FNDC3B: variants seen among roughly 807,000 people sequenced by gnomAD.
FNDC3B encodes the protein fibronectin type III domain containing 3B, also known as fibronectin type III domain-containing protein 3B.
A neutral mutation model predicts 151.5 loss-of-function variants in FNDC3B; 12 were observed. The ratio of observed to expected loss-of-function variants is 0.08; its 90% CI spans 0.05 to 0.13. FNDC3B has a LOEUF of 0.13. FNDC3B is among the 10% of genes least tolerant of loss of function. The pLI is 1.00. For synonymous variants in FNDC3B, 528 were observed against 549.0 expected, an observed-to-expected ratio of 0.96 and a Z score of 0.54; for missense variants, 1,214 against 1,505.3, an observed-to-expected ratio of 0.81 and a Z score of 3.20.
At chr3:172,327,870 T>G (rs988961702) in intron 11 of FNDC3B, among the ~76,000 whole-genome samples, 3 of 152,250 alleles carry the variant, frequency 2.0e-5, no homozygotes, top group African/African-American at 7.2e-5. Context: ...CTTGCTTTGT[T>G]TTTTGTGAAA....
At chr3:172,341,824 TA>T (rs1271217491) in intron 17 of FNDC3B, among the ~76,000 whole-genome samples, 3 of 152,322 alleles carry the variant, frequency 2.0e-5, no homozygotes, top group African/African-American at 7.2e-5. Context: ...ACTAACCTGT[TA>T]ACATGTCAGG....
Position 172,399,148 on chromosome 3 carries a change from G to C in FNDC3B, c.*1673G>C, listed in dbSNP as rs986199072. 2.6e-5 allele frequency: 4 copies of C among 152,450 alleles called. No individual in the cohort carries two copies. Among genetic ancestry groups the C allele is most frequent in the African/African-American group, 9.7e-5 (4 of 41,400 alleles). The allele number at this position is 152,450 out of a possible 1,614,324, so 9.4% of individuals were successfully genotyped here. On this transcript the variant is annotated 3_prime_UTR_variant, in exon 26 of 26. Transcript: ENST00000415807. ...GGAAACAAACATTATTTTGTTTTTGGTTTATTTATACTATATTCTGCATAC... is the reference window on the plus strand; with the variant it reads ...GGAAACAAACATTATTTTGTTTTTGCTTTATTTATACTATATTCTGCATAC...
intron 6 of FNDC3B, among the ~76,000 whole-genome samples, chr3:172,272,540 G>A (rs111534934): frequency 7.2e-5 from 11 of 152,170 alleles, no homozygotes; most frequent in African/African-American, 2.6e-4. Context: ...AGACCCACCT[G>A]GAAATGATCT....
intron 3 of FNDC3B, among the ~76,000 whole-genome samples, chr3:172,149,258 A>C (rs555456020): frequency 2.1e-4 from 32 of 152,336 alleles, no homozygotes; most frequent in Non-Finnish European, 3.5e-4. Context: ...TTATACAGTA[A>C]AAAATCAATT....
chr3:172,239,576 C>T (rs1727362211), intron 4 of FNDC3B, among the ~76,000 whole-genome samples: 1 of 152,070 alleles, frequency 6.6e-6, no homozygotes, highest in African/African-American at 2.4e-5. Context: ...TGCCCATTTC[C>T]TGGATCATCC....
At chr3:172,295,586 C>T in intron 8 of FNDC3B, 72 bp downstream of exon 8, 1 of 1,477,828 alleles carries the variant, frequency 6.8e-7, no homozygotes, top group East Asian at 2.3e-5. Flanking sequence ...AAATGGAAAA[C>T]AAAGGAAAAC....
chr3:172,330,574 A>G lies in FNDC3B; in HGVS notation c.1413A>G (p.Leu471=), dbSNP rs766488076. The change falls in exon 13 of 26, where the codon TTA becomes TTG. Residue 471 remains leucine (L), a synonymous_variant. Transcript: ENST00000415807. The stretch of plus-strand genomic sequence containing the variant: ...GCCAAGAGGTGGTGTGCTACACATT[A>G]GGAAATATCCCTCAGATGCCTTCTG... The part of the protein sequence containing the change: ...GYSQEVVCYT[L]GNIPQMPSAP... 3 of 1,614,086 alleles carry G rather than the reference A, an allele frequency of 1.9e-6. No homozygotes were observed. The highest frequency in any genetic ancestry group is 1.7e-5 in the Admixed American group (1 of 60,022).
chr3:172,341,286 G>T (rs779128821), intron 17 of FNDC3B, 55 bp downstream of exon 17: 95 of 1,237,312 alleles, frequency 7.7e-5, no homozygotes, highest in Non-Finnish European at 1.1e-4. Flanking sequence ...CGGACAAACT[G>T]TCTATAACAT....
intron 6 of FNDC3B, among the ~76,000 whole-genome samples, chr3:172,253,448 G>A (rs1728181280): frequency 6.6e-6 from 1 of 152,208 alleles, no homozygotes; most frequent in Non-Finnish European, 1.5e-5. Flanking sequence ...GCCTCAAAAT[G>A]TGGTTGTTGG....
intron 8 of FNDC3B, among the ~76,000 whole-genome samples, chr3:172,298,449 T>C (rs559955781): frequency 9.8e-5 from 15 of 152,358 alleles, no homozygotes; most frequent in African/African-American, 3.4e-4. Context: ...TAGTTACTTA[T>C]ATGTATTTAC....
chr3:172,344,658 T>C lies in FNDC3B; in HGVS notation c.2250+400T>C, dbSNP rs1733517125. Among the ~76,000 whole-genome samples, 4 of 152,192 alleles carry C rather than the reference T, an allele frequency of 2.6e-5. No individual in the cohort carries two copies. The South Asian group carries it at 8.3e-4, about 32-fold the overall frequency. Reference sequence around the variant, plus strand: ...ATGAACCAGCAACATCTTAGGTCAGTTTTTACAACTAGAGAAGGGTAGTGG... The same window carrying C: ...ATGAACCAGCAACATCTTAGGTCAGCTTTTACAACTAGAGAAGGGTAGTGG... On this transcript the variant is annotated intron_variant, in intron 19 of 25. Transcript: ENST00000415807.
At chr3:172,337,769 C>T (rs764097540) in intron 16 of FNDC3B, 11 of 231,782 alleles carry the variant, frequency 4.7e-5, no homozygotes, top group Non-Finnish European at 9.4e-5. Flanking sequence ...ATTGCAGTCT[C>T]AAACTCCTGG....
chr3:172,202,465 G>A (rs1047404919), intron 3 of FNDC3B, among the ~76,000 whole-genome samples: 10 of 152,184 alleles, frequency 6.6e-5, no homozygotes, highest in African/African-American at 2.4e-4. Flanking sequence ...AACTACACAT[G>A]ATAGTAGTAA....
intron 1 of FNDC3B, among the ~76,000 whole-genome samples, chr3:172,101,213 G>C (rs1416558433): frequency 6.6e-6 from 1 of 152,160 alleles, no homozygotes; most frequent in African/African-American, 2.4e-5. Flanking sequence ...ACACCTGTCA[G>C]ATTTCAAAGT....
At chr3:172,124,563 C>G (rs1223642637) in intron 2 of FNDC3B, among the ~76,000 whole-genome samples, 1 of 152,188 alleles carries the variant, frequency 6.6e-6, no homozygotes. Context: ...CCAGAGATTT[C>G]CATACCTTAG....
intron 6 of FNDC3B, among the ~76,000 whole-genome samples, chr3:172,285,655 T>C (rs1306981172): frequency 6.6e-6 from 1 of 152,240 alleles, no homozygotes; most frequent in Non-Finnish European, 1.5e-5. Flanking sequence ...TGTTAAATTA[T>C]TAAATGTTAA....
chr3:172,075,464 T>C (rs1334003160), intron 1 of FNDC3B, among the ~76,000 whole-genome samples: 2 of 152,120 alleles, frequency 1.3e-5, no homozygotes, highest in Non-Finnish European at 2.9e-5. Context: ...TATGAAGATA[T>C]AGAAATATCC....
chr3:172,241,486 G>T (rs888585451), intron 4 of FNDC3B, among the ~76,000 whole-genome samples: 3 of 151,998 alleles, frequency 2.0e-5, no homozygotes, highest in African/African-American at 7.3e-5. Flanking sequence ...CAGACTTACA[G>T]TTCCACATGG....
At chr3:172,287,158 G>A (rs938933688) in intron 7 of FNDC3B, among the ~76,000 whole-genome samples, 12 of 152,164 alleles carry the variant, frequency 7.9e-5, no homozygotes, top group African/African-American at 2.7e-4. Flanking sequence ...CCCCAGCTTT[G>A]CTGTGCCCTT....
Sources: gnomAD v4.1 joint callset for allele counts (sites outside exome capture counted in the v4.1 genomes callset) on GRCh38, gnomAD v4.1.1 for gene constraint, MANE v1.5 for transcripts, NCBI Gene and HGNC (gene_info 2026-07-23, HGNC 2026-07-21) for gene names.